ANAPC7: variants seen among roughly 807,000 people sequenced by gnomAD.
The protein encoded by ANAPC7 is anaphase promoting complex subunit 7.
In ANAPC7, 25 loss-of-function variants were observed where a neutral mutation model predicts 63.3. That is an observed-to-expected ratio of 0.39 (90% CI 0.29 to 0.55). ANAPC7 has a LOEUF of 0.55. ANAPC7 is among the 20% of genes least tolerant of loss of function. ANAPC7 has a pLI of 0.57. For missense variants in ANAPC7, 516 were observed against 691.7 expected (o/e 0.75, Z 2.85); for synonymous variants, 241 against 251.7 (o/e 0.96, Z 0.40).
chr12:110,395,345 C>A lies in ANAPC7; in HGVS notation c.289-125G>T, dbSNP rs979935134. On this transcript the variant is annotated intron_variant, in intron 2 of 10. Coordinates refer to ENST00000455511, the MANE Select transcript of ANAPC7 (RefSeq NM_016238.3). ...TTTTTTTTTTTTTGAGACAGGGTCT[C>A]GCTCTGTTGCCCAGGCTGCAATGCA... The A allele has an allele frequency of 4.9e-5, 45 of 911,646 alleles. No individual in the cohort carries two copies. In the African/African-American group the frequency reaches 7.5e-4, roughly 15 times the overall value. The allele number at this position is 911,646 out of a possible 1,614,324, so 56.5% of individuals were successfully genotyped here.
At chr12:110,385,888 T>G (rs1882405029) in intron 6 of ANAPC7, among the ~76,000 whole-genome samples, 1 of 152,156 alleles carries the variant, frequency 6.6e-6, no homozygotes, top group South Asian at 2.1e-4. Flanking sequence ...GATCAGTGAT[T>G]TTTCTGTTGT....
chr12:110,386,492 T>C, intron 5 of ANAPC7, 23 bp from the exon 6 acceptor site: 1 of 1,588,618 alleles, frequency 6.3e-7, no homozygotes, highest in Non-Finnish European at 8.6e-7. Context: ...TATTAAACAT[T>C]GAACCTTTAA....
chr12:110,387,481 T>G (rs1167743321), intron 5 of ANAPC7: 1 of 218,522 alleles, frequency 4.6e-6, no homozygotes. Context: ...CAAGGTAGCC[T>G]GCTTTGCTTT....
intron 5 of ANAPC7, chr12:110,386,996 C>T (rs913205817): frequency 1.3e-5 from 2 of 152,284 alleles, no homozygotes; most frequent in African/African-American, 2.4e-5. Context: ...TTGGGAGGCC[C>T]ACGTGGGAGA....
Position 110,374,049 on chromosome 12 carries a change from C to A in ANAPC7, c.*95G>T. On this transcript the variant is annotated 3_prime_UTR_variant, in exon 11 of 11. Transcript: ENST00000455511. ...CCCCTGCTGCAATCACATGCTGAAT[C>A]ATTGTCCTTCTGAGAGCAGGCTCCT... The A allele has an allele frequency of 2.2e-6, 3 of 1,364,734 alleles. No homozygotes were observed. Among genetic ancestry groups the A allele is most frequent in the Non-Finnish European group, 2.9e-6 (3 of 1,020,604 alleles). 84.5% of individuals were successfully genotyped at this position (1,364,734 alleles called of 1,614,324 possible).
At chr12:110,377,188 A>G (rs922273115) in intron 9 of ANAPC7, among the ~76,000 whole-genome samples, 15 of 151,796 alleles carry the variant, frequency 9.9e-5, no homozygotes, top group Non-Finnish European at 2.2e-4. Context: ...CCAACCAATT[A>G]TAGGTGGTTG....
chr12:110,376,172 C>T lies in ANAPC7; in HGVS notation c.1402G>A (p.Ala468Thr), dbSNP rs939569596. ...YEDGIALLRNALANQSDCVLH... is the reference protein window; with the variant it reads ...YEDGIALLRNTLANQSDCVLH... The stretch of plus-strand genomic sequence containing the variant: ...ACACAGTCACTCTGATTAGCCAGTG[C>T]GTTCCTCAGCAAAGCAATTCCATCT... Residue 468 changes from alanine (A) to threonine (T), a missense_variant, in exon 10 of 11, where the codon GCA (alanine) becomes ACA (threonine). Ala to Thr is a moderately conservative substitution (Grantham distance 58). This residue lies in a region of ANAPC7 where 122 missense variants were observed against 212.0 expected (regional missense o/e 0.58). Coordinates refer to ENST00000455511, the MANE Select transcript of ANAPC7 (RefSeq NM_016238.3). The T allele has an allele frequency of 8.1e-6, 13 of 1,613,994 alleles. No individual in the cohort carries two copies. Among genetic ancestry groups the T allele is most frequent in the East Asian group, 2.2e-5 (1 of 44,898 alleles).
chr12:110,402,599 G>A (rs955539858), intron 1 of ANAPC7, among the ~76,000 whole-genome samples: 2 of 152,116 alleles, frequency 1.3e-5, no homozygotes, highest in Non-Finnish European at 2.9e-5. Context: ...CTCCCAAAGT[G>A]CTGGGATTAC....
At chr12:110,385,843 T>C (rs571392245) in intron 6 of ANAPC7, among the ~76,000 whole-genome samples, 4 of 152,352 alleles carry the variant, frequency 2.6e-5, no homozygotes, top group Admixed American at 2.0e-4. Flanking sequence ...TGGAGGTCCC[T>C]GTGAAGATTA....
At chr12:110,396,219 C>G in intron 2 of ANAPC7, 47 bp downstream of exon 2, 1 of 1,494,286 alleles carries the variant, frequency 6.7e-7, no homozygotes, top group Non-Finnish European at 9.1e-7. Context: ...TTCTTGGAGT[C>G]TTTCTCAAAA....
chr12:110,382,978 A>C lies in ANAPC7; in HGVS notation c.818-18T>G, dbSNP rs1882083239. The C allele has an allele frequency of 1.3e-6, 2 of 1,592,012 alleles. No homozygotes were observed. The highest frequency in any genetic ancestry group is 1.3e-5 in the African/African-American group (1 of 74,332). On this transcript the variant is annotated intron_variant, in intron 6 of 10. Transcript: ENST00000455511. ...ATCCATTCCTAGAAGAGAAGGACAT[A>C]GTGAGAAGAGGTGTTTTAAGAAGAG...
At chr12:110,390,067 A>G (rs557813174) in intron 3 of ANAPC7, among the ~76,000 whole-genome samples, 2 of 152,232 alleles carry the variant, frequency 1.3e-5, no homozygotes, top group South Asian at 4.1e-4. Flanking sequence ...TTCCAATTTA[A>G]AATTAGATTT....
At chr12:110,387,296 A>G in intron 5 of ANAPC7, 1 of 137,656 alleles carries the variant, frequency 7.3e-6, no homozygotes, top group South Asian at 2.4e-4. Context: ...ACAGAGAGAG[A>G]GAGAGAGAGA....
rs747810973 is a variant in ANAPC7, at chr12:110,401,950, CAAAA to C, written c.101+1573_101+1576del. On this transcript the variant is annotated intron_variant, in intron 1 of 10. Coordinates refer to ENST00000455511, the MANE Select transcript of ANAPC7 (RefSeq NM_016238.3). ...GATCGTGCAGAGCGAGACTCCGTCT[CAAAA>C]AAAAAAAAAAAAAAAAAAAAAGACC... Among the ~76,000 whole-genome samples, 251 of 46,096 alleles carry C rather than the reference CAAAA, an allele frequency of 5.4e-3. 1 individual carries two copies. Among genetic ancestry groups the C allele is most frequent in the African/African-American group, 0.018 (244 of 13,190 alleles). 30.2% of individuals were successfully genotyped at this position (46,096 alleles called of 152,430 possible).
chr12:110,385,886 A>AT (rs1172162761), intron 6 of ANAPC7, among the ~76,000 whole-genome samples: 1 of 152,042 alleles, frequency 6.6e-6, no homozygotes, highest in Non-Finnish European at 1.5e-5. Context: ...AAGATCAGTG[A>AT]TTTTTCTGTT....
chr12:110,374,268 G>A lies in ANAPC7; in HGVS notation c.1574C>T (p.Thr525Met), dbSNP rs373846073. 1.4e-5 allele frequency: 22 copies of A among 1,614,090 alleles called. No individual in the cohort carries two copies. Among genetic ancestry groups the A allele is most frequent in the Non-Finnish European group, 1.7e-5 (20 of 1,180,028 alleles). The change falls in exon 11 of 11, where the codon ACG (threonine) becomes ATG (methionine). Residue 525 changes from threonine (T) to methionine (M), a missense_variant. Transcript: ENST00000455511. ...MQKMEKEESP[T>M]DATQEEDVDD... Reference sequence around the variant, plus strand: ...CACATCCTCCTCCTGAGTGGCATCCGTGGGACTCTCCTCCTTCTCCATCTT... The same window carrying A: ...CACATCCTCCTCCTGAGTGGCATCCATGGGACTCTCCTCCTTCTCCATCTT...
chr12:110,381,610 C>T, intron 8 of ANAPC7, 142 bp downstream of exon 8: 1 of 781,522 alleles, frequency 1.3e-6, no homozygotes, highest in Admixed American at 2.7e-5. Context: ...GCTGAGATTA[C>T]AGGTGTGAGC....
intron 10 of ANAPC7, among the ~76,000 whole-genome samples, chr12:110,375,137 C>T (rs60143179): frequency 2.6e-5 from 4 of 152,268 alleles, no homozygotes; most frequent in East Asian, 1.9e-4. Context: ...GATATAAATG[C>T]GGACCGATCT....
At chr12:110,401,453 A>C (rs2062227139) in intron 1 of ANAPC7, among the ~76,000 whole-genome samples, 5 of 152,162 alleles carry the variant, frequency 3.3e-5, no homozygotes, top group Admixed American at 2.6e-4. Context: ...GGAGTACCCG[A>C]GAGTCCTGGG....
Sources: allele counts gnomAD v4.1 joint callset (sites outside exome capture counted in the v4.1 genomes callset), GRCh38; gene constraint gnomAD v4.1.1; regional missense constraint gnomAD v4.1.1; transcripts MANE v1.5; gene names NCBI Gene and HGNC (gene_info 2026-07-23, HGNC 2026-07-21).